The following UTP23 variants were observed in gnomAD, a reference collection of about 807,000 sequenced individuals.
The protein encoded by UTP23 is UTP23 small subunit processome component, also known as rRNA-processing protein UTP23 homolog.
Under a neutral mutation model 19.8 loss-of-function variants are expected in UTP23, and 10 were observed. The ratio of observed to expected loss-of-function variants is 0.50; its 90% confidence interval spans 0.31 to 0.86. UTP23 has a LOEUF of 0.86. UTP23 is among the 40% of genes least tolerant of loss of function. The probability of loss-of-function intolerance (pLI) is 0.05; values close to 1 mark genes in which losing one functional copy is unlikely to be tolerated. For synonymous variants in UTP23, 108 were observed against 105.4 expected, an observed-to-expected ratio of 1.02 and a Z score of -0.15; for missense variants, 282 against 293.1, an observed-to-expected ratio of 0.96 and a Z score of 0.28.
At chr8:116,767,296 G>A (rs891282615) in intron 1 of UTP23, among the ~76,000 whole-genome samples, 3 of 152,226 alleles carry the variant, frequency 2.0e-5, no homozygotes, top group Non-Finnish European at 4.4e-5. Context: ...GAACCTGTGA[G>A]TTACCATCTT....
chr8:116,769,965 A>C (rs1353994016), intron 1 of UTP23: 6 of 372,482 alleles, frequency 1.6e-5, no homozygotes, highest in African/African-American at 4.1e-5. Flanking sequence ...ATTTATGTAA[A>C]GAGCAATTTG....
chr8:116,771,943 C>G lies in UTP23; in HGVS notation c.*101C>G. ...CCAAACTTATTTTTGTAAATGAACC[C>G]ATATGCTTTAGCTAAAATTAATTAT... On this transcript the variant is annotated 3_prime_UTR_variant, in exon 3 of 3. Transcript: ENST00000309822. 1 of 1,459,510 alleles carries G rather than the reference C, an allele frequency of 6.9e-7. No homozygotes were observed. 90.4% of individuals were successfully genotyped at this position (1,459,510 alleles called of 1,614,324 possible). A position where few individuals can be genotyped will look rare whatever the true frequency, so the allele number is the denominator to read the frequency against.
chr8:116,772,003 C>CA lies in UTP23; in HGVS notation c.*165dup. ...ACAGTGACCAGTCTAGCCAGCATGG[C>CA]AAAACCCCATCTCTACTAAAATACA... On this transcript the variant is annotated 3_prime_UTR_variant, in exon 3 of 3. Coordinates refer to ENST00000309822, the MANE Select transcript of UTP23 (RefSeq NM_032334.3). 1.5e-6 allele frequency: 2 copies of CA among 1,327,702 alleles called. No homozygotes were observed. The highest frequency in any genetic ancestry group is 1.9e-6 in the Non-Finnish European group (2 of 1,043,900). The allele number at this position is 1,327,702 out of a possible 1,614,324, so 82.2% of individuals were successfully genotyped here.
Position 116,772,608 on chromosome 8 carries a change from T to G in UTP23, c.*766T>G. ...ATTTTCATTATTATGACTAGAGTTT[T>G]TTTGTTTGTTTGTTTGAGTTCTACT... On this transcript the variant is annotated 3_prime_UTR_variant, in exon 3 of 3. Coordinates refer to ENST00000309822, the MANE Select transcript of UTP23 (RefSeq NM_032334.3). The G allele has an allele frequency of 2.1e-5, 21 of 984,612 alleles. No homozygotes were observed. Among genetic ancestry groups the G allele is most frequent in the Non-Finnish European group, 2.5e-5 (21 of 829,176 alleles). The allele number at this position is 984,612 out of a possible 1,614,324, so 61.0% of individuals were successfully genotyped here.
chr8:116,770,201 A>G lies in UTP23; in HGVS notation c.198A>G (p.Leu66=). ...TAATTTTTCTTTTCAGATGTGTGTT[A>G]AAAGAGCTAGAAACATTGGGAAAGG... ...ETQLCTTRCV[L]KELETLGKDL... Residue 66 remains leucine (L), a synonymous_variant, in exon 2 of 3, where the codon TTA becomes TTG. Transcript: ENST00000309822. 1.2e-6 allele frequency: 2 copies of G among 1,607,294 alleles called. No homozygotes were observed. The highest frequency in any genetic ancestry group is 2.7e-5 in the African/African-American group (2 of 74,984).
In UTP23 at chr8:116,773,995, T is replaced by A. The variant is rs1815692998; in HGVS notation, c.*2153T>A. 1 of 985,266 alleles carries A rather than the reference T, an allele frequency of 1.0e-6. No homozygotes were observed. The highest frequency in any genetic ancestry group is 1.2e-6 in the Non-Finnish European group (1 of 829,922). 61.0% of individuals were successfully genotyped at this position (985,266 alleles called of 1,614,324 possible). On this transcript the variant is annotated 3_prime_UTR_variant, in exon 3 of 3. Coordinates refer to ENST00000309822, the MANE Select transcript of UTP23 (RefSeq NM_032334.3). ...CCTCAGAATTATTTGCTTTATTTTT[T>A]CATACAACTTGGGGAAGGGAACCAT...
Position 116,773,387 on chromosome 8 carries a change from C to G in UTP23, c.*1545C>G, listed in dbSNP as rs1240945156. 2 of 977,200 alleles carry G rather than the reference C, an allele frequency of 2.0e-6. No individual in the cohort carries two copies. Among genetic ancestry groups the G allele is most frequent in the Non-Finnish European group, 2.4e-6 (2 of 822,536 alleles). 60.5% of individuals were successfully genotyped at this position (977,200 alleles called of 1,614,324 possible). A position where few individuals can be genotyped will look rare whatever the true frequency, so the allele number is the denominator to read the frequency against. ...AAATACATTAAATTTAGGTATTACT[C>G]TTAATCTATTTCTACTTAGTCAGTG... On this transcript the variant is annotated 3_prime_UTR_variant, in exon 3 of 3. Coordinates refer to ENST00000309822, the MANE Select transcript of UTP23 (RefSeq NM_032334.3).
At chr8:116,766,902 C>T in intron 1 of UTP23, 111 bp downstream of exon 1, 2 of 1,095,060 alleles carry the variant, frequency 1.8e-6, no homozygotes, top group South Asian at 3.3e-5. Context: ...AAACGCCCCG[C>T]CCACGTGGAG....
chr8:116,768,760 G>T (rs552927358), intron 1 of UTP23, among the ~76,000 whole-genome samples: 67 of 152,136 alleles, frequency 4.4e-4, no homozygotes, highest in Non-Finnish European at 8.7e-4. Flanking sequence ...CGCCTCCCGG[G>T]TTCAAGTGAT....
intron 1 of UTP23, 172 bp from the exon 2 acceptor site, chr8:116,770,020 T>C (rs1182062445): frequency 1.7e-6 from 1 of 585,144 alleles, no homozygotes; most frequent in Non-Finnish European, 2.9e-6. Flanking sequence ...TTTTAACTGT[T>C]GTTCTTCCTA....
At chr8:116,769,784 C>T (rs914538714) in intron 1 of UTP23, among the ~76,000 whole-genome samples, 3 of 152,060 alleles carry the variant, frequency 2.0e-5, no homozygotes, top group East Asian at 1.9e-4. Flanking sequence ...AAGCTTATTA[C>T]GCTATGGTTG....
At position 116,766,804 on chromosome 8, in the gene UTP23, G is replaced by A. The variant is rs780851584; in HGVS notation, c.188+13G>A. ...TGTGCACCACAAGGTGGGCCCGGGGGGCTGGGGAGGAGGCACAGAGGGTCC... is the reference window on the plus strand; with the variant it reads ...TGTGCACCACAAGGTGGGCCCGGGGAGCTGGGGAGGAGGCACAGAGGGTCC... On this transcript the variant is annotated intron_variant, in intron 1 of 2. Coordinates refer to ENST00000309822, the MANE Select transcript of UTP23 (RefSeq NM_032334.3). The A allele has an allele frequency of 5.9e-6, 9 of 1,518,948 alleles. No individual in the cohort carries two copies. The highest frequency in any genetic ancestry group is 8.0e-6 in the Non-Finnish European group (9 of 1,131,194). 94.1% of individuals were successfully genotyped at this position (1,518,948 alleles called of 1,614,324 possible). A position where few individuals can be genotyped will look rare whatever the true frequency, so the allele number is the denominator to read the frequency against.
chr8:116,772,609 TTTG>T lies in UTP23; in HGVS notation c.*770_*772del. On this transcript the variant is annotated 3_prime_UTR_variant, in exon 3 of 3. Transcript: ENST00000309822. Reference sequence around the variant, plus strand: ...TTTTCATTATTATGACTAGAGTTTTTTTGTTTGTTTGTTTGAGTTCTACTTGTC... The same window carrying T: ...TTTTCATTATTATGACTAGAGTTTTTTTTGTTTGTTTGAGTTCTACTTGTC... 1.0e-6 allele frequency: 1 copy of T among 983,886 alleles called. No individual in the cohort carries two copies. The highest frequency in any genetic ancestry group is 1.2e-6 in the Non-Finnish European group (1 of 828,796). 60.9% of individuals were successfully genotyped at this position (983,886 alleles called of 1,614,324 possible). A position where few individuals can be genotyped will look rare whatever the true frequency, so the allele number is the denominator to read the frequency against.
In UTP23 at chr8:116,770,272, A is replaced by G. The variant is rs942275013; in HGVS notation, c.269A>G (p.Asn90Ser). 1.2e-6 allele frequency: 2 copies of G among 1,613,978 alleles called. No individual in the cohort carries two copies. The highest frequency in any genetic ancestry group is 1.7e-6 in the Non-Finnish European group (2 of 1,179,980). The part of the protein sequence containing the change: ...KLIAQKCQVR[N>S]CPHFKNAVSG... ...ATTGCACAAAAATGCCAAGTTCGAAATTGTCCTCATTTCAAGAATGCAGTG... is the reference window on the plus strand; with the variant it reads ...ATTGCACAAAAATGCCAAGTTCGAAGTTGTCCTCATTTCAAGAATGCAGTG... Residue 90 changes from asparagine to serine, a missense_variant, in exon 2 of 3, where the codon AAT (asparagine) becomes AGT (serine). Physicochemically the swap from Asn to Ser is conservative, Grantham distance 46. Transcript: ENST00000309822.
chr8:116,771,518 G>A lies in UTP23; in HGVS notation c.426G>A (p.Gln142=), dbSNP rs1815650834. Residue 142 remains glutamine, a synonymous_variant, in exon 3 of 3, where the codon CAG becomes CAA. Coordinates refer to ENST00000309822, the MANE Select transcript of UTP23 (RefSeq NM_032334.3). ...GAGTTCCTCTCATGTTTATTATTCA[G>A]AACACTATGGTTTTGGACAAACCTT... is the stretch of plus-strand genomic sequence containing the variant. ...KPGVPLMFII[Q]NTMVLDKPSP... 6 of 1,596,986 alleles carry A rather than the reference G, an allele frequency of 3.8e-6. No homozygotes were observed. In the East Asian group the frequency reaches 1.3e-4, roughly 36 times the overall value.
rs1815658029 is a variant in UTP23 at position 116,771,758 on chromosome 8, T to C, written c.666T>C (p.Ser222=). ...KKAPDTQSSA[S]EKKRKRKRIR... is the part of the protein sequence containing the mutation. Reference sequence around the variant, plus strand: ...CACCGGACACACAATCATCTGCTTCTGAAAAGAAAAGAAAAAGAAAAAGAA... The same window carrying C: ...CACCGGACACACAATCATCTGCTTCCGAAAAGAAAAGAAAAAGAAAAAGAA... The change falls in exon 3 of 3, where the codon TCT becomes TCC. Residue 222 remains serine, a synonymous_variant. Transcript: ENST00000309822. The C allele has an allele frequency of 2.5e-6, 4 of 1,609,396 alleles. No individual in the cohort carries two copies. Among genetic ancestry groups the C allele is most frequent in the African/African-American group, 1.4e-5 (1 of 73,768 alleles).
At position 116,773,237 on chromosome 8, in the gene UTP23, G is replaced by A; in HGVS notation, c.*1395G>A. The A allele has an allele frequency of 1.0e-6, 1 of 985,390 alleles. No individual in the cohort carries two copies. Among genetic ancestry groups the A allele is most frequent in the Non-Finnish European group, 1.2e-6 (1 of 829,906 alleles). 61.0% of individuals were successfully genotyped at this position (985,390 alleles called of 1,614,324 possible). ...AGGAAGGTAAAAATACTGGAAAAAAGTGAATAGTGTAGGTTTTGTGAGGAA... is the reference window on the plus strand; with the variant it reads ...AGGAAGGTAAAAATACTGGAAAAAAATGAATAGTGTAGGTTTTGTGAGGAA... On this transcript the variant is annotated 3_prime_UTR_variant, in exon 3 of 3. Coordinates refer to ENST00000309822, the MANE Select transcript of UTP23 (RefSeq NM_032334.3).
rs1223469032 is a variant in UTP23, at chr8:116,771,502, T to C, written c.410T>C (p.Leu137Pro). ...GTAAAAAAGAAGCCTGGAGTTCCTC[T>C]CATGTTTATTATTCAGAACACTATG... ...VKVKKKPGVP[L>P]MFIIQNTMVL... is the part of the protein sequence containing the mutation. Residue 137 changes from leucine (L) to proline (P), a missense_variant, in exon 3 of 3, where the codon CTC becomes CCC. By Grantham distance (98) the Leu-to-Pro change is moderately conservative. Coordinates refer to ENST00000309822, the MANE Select transcript of UTP23 (RefSeq NM_032334.3). 6.5e-7 allele frequency: 1 copy of C among 1,542,996 alleles called. No individual in the cohort carries two copies. The highest frequency in any genetic ancestry group is 8.7e-7 in the Non-Finnish European group (1 of 1,151,326).
At chr8:116,769,300 A>T (rs944437172) in intron 1 of UTP23, among the ~76,000 whole-genome samples, 1 of 152,188 alleles carries the variant, frequency 6.6e-6, no homozygotes, top group Non-Finnish European at 1.5e-5. Flanking sequence ...AAAGGCAGGA[A>T]CCCAAGGGTT....
Sources: allele counts gnomAD v4.1 joint callset (sites outside exome capture counted in the v4.1 genomes callset), GRCh38; gene constraint gnomAD v4.1.1; transcripts MANE v1.5; gene names NCBI Gene and HGNC (gene_info 2026-07-23, HGNC 2026-07-21).